Variants in NGEF observed in about 807,000 individuals in gnomAD.
NGEF encodes ephexin-1.
NGEF carries 31 observed loss-of-function variants against 80.9 expected under a neutral mutation model. The ratio of observed to expected loss-of-function variants is 0.38; its 90% CI spans 0.29 to 0.52. The LOEUF is 0.52. Ranked by LOEUF, NGEF falls within the 20% of genes least tolerant of loss-of-function variation. The pLI is 0.84. For synonymous variants in NGEF, 371 were observed against 370.2 expected (o/e 1.00, Z -0.03); for missense variants, 709 against 926.2 (o/e 0.77, Z 3.04).
intron 3 of NGEF, among the ~76,000 whole-genome samples, chr2:232,944,091 G>A (rs1267841862): frequency 7.9e-5 from 12 of 151,956 alleles, no homozygotes; most frequent in Admixed American, 7.2e-4. Context: ...AAATTAGCCA[G>A]GCATGGTGGT....
chr2:232,969,919 C>A (rs1482724387), intron 3 of NGEF: 3 of 188,658 alleles, frequency 1.6e-5, no homozygotes, highest in East Asian at 2.6e-4. Context: ...AATCCCAGCT[C>A]TTTGGGAGGC....
At chr2:232,901,544 G>A (rs535551705) in intron 5 of NGEF, 39 of 601,186 alleles carry the variant, frequency 6.5e-5, no homozygotes, top group African/African-American at 2.2e-4. Flanking sequence ...TGCGGGGGTC[G>A]GAGCCAAAGG....
At chr2:232,946,060 C>CTATA (rs1441776079) in intron 3 of NGEF, among the ~76,000 whole-genome samples, 15 of 111,042 alleles carry the variant, frequency 1.4e-4, no homozygotes, top group South Asian at 3.6e-4. Context: ...CAATATATAT[C>CTATA]TGATATATAT....
rs1279653884 is a variant in NGEF at position 232,878,947 on chromosome 2, C to CTGGGGAAGGG, written c.*532_*541dup. The CTGGGGAAGGG allele has an allele frequency of 1.3e-5, 2 of 152,846 alleles. No homozygotes were observed. Among genetic ancestry groups the CTGGGGAAGGG allele is most frequent in the African/African-American group, 4.8e-5 (2 of 41,472 alleles). 9.5% of individuals were successfully genotyped at this position (152,846 alleles called of 1,614,324 possible). On this transcript the variant is annotated 3_prime_UTR_variant, in exon 15 of 15. Transcript: ENST00000264051. Reference sequence around the variant, plus strand: ...CGTGCAGCCAGAGGCTGGCAGAGGCCTGGGGAAGGGTGGGCAGAGGCAGCT... The same window carrying CTGGGGAAGGG: ...CGTGCAGCCAGAGGCTGGCAGAGGCCTGGGGAAGGGTGGGGAAGGGTGGGCAGAGGCAGCT...
rs1201980525 is a variant in NGEF, at chr2:232,944,688, T to C, written c.384-17502A>G. 2.7e-5 allele frequency among the ~76,000 whole-genome samples: 4 copies of C among 146,236 alleles called. No homozygotes were observed. In the East Asian group the frequency reaches 6.0e-4, roughly 22 times the overall value. ...AAAAAAGAGAAATTAATAGAAATGG[T>C]TACTTCCAGAGTTGGGCTAGGGGAT... On this transcript the variant is annotated intron_variant, in intron 3 of 14. Transcript: ENST00000264051.
In NGEF at chr2:232,888,275, TAC is replaced by T. The variant is rs1259695189; in HGVS notation, c.1273-170_1273-169del. Among the ~76,000 whole-genome samples, 3 of 149,814 alleles carry T rather than the reference TAC, an allele frequency of 2.0e-5. No homozygotes were observed. The East Asian group carries it at 6.1e-4, about 31-fold the overall frequency. On this transcript the variant is annotated intron_variant, in intron 8 of 14. Transcript: ENST00000264051. The stretch of plus-strand genomic sequence containing the variant: ...ACGCATACATGCATGCACACATGCA[TAC>T]AGACCTGCGTGTGCACACACGTGCA...
intron 5 of NGEF, among the ~76,000 whole-genome samples, chr2:232,902,574 T>A (rs551461591): frequency 6.6e-6 from 1 of 152,258 alleles, no homozygotes; most frequent in Non-Finnish European, 1.5e-5. Flanking sequence ...ATTACTACGT[T>A]TTCTCAAGAT....
chr2:232,929,219 G>C (rs1378978805), intron 3 of NGEF, among the ~76,000 whole-genome samples: 1 of 152,230 alleles, frequency 6.6e-6, no homozygotes, highest in Non-Finnish European at 1.5e-5. Flanking sequence ...CCCGGCATTT[G>C]TTTAAATTAG....
intron 1 of NGEF, among the ~76,000 whole-genome samples, chr2:232,990,802 C>T (rs1694635781): frequency 6.6e-6 from 1 of 152,050 alleles, no homozygotes. Context: ...AGTCCAACAT[C>T]TCTTATTAAT....
At chr2:232,996,111 G>A (rs1694840064) in intron 1 of NGEF, among the ~76,000 whole-genome samples, 1 of 151,958 alleles carries the variant, frequency 6.6e-6, no homozygotes, top group Admixed American at 6.6e-5. Context: ...CTCCATTCAG[G>A]TATAAAAACT....
intron 3 of NGEF, among the ~76,000 whole-genome samples, chr2:232,932,199 C>T (rs1693229725): frequency 8.3e-6 from 1 of 120,274 alleles, no homozygotes; most frequent in Non-Finnish European, 1.6e-5. Context: ...GAATCTTGCT[C>T]TATTGCCCAG....
At chr2:232,925,844 T>C (rs1693053030) in intron 4 of NGEF, among the ~76,000 whole-genome samples, 1 of 152,116 alleles carries the variant, frequency 6.6e-6, no homozygotes, top group Non-Finnish European at 1.5e-5. Context: ...CCCCTCTCCA[T>C]TCCCTCAGCA....
intron 2 of NGEF, among the ~76,000 whole-genome samples, chr2:232,970,563 TCA>T (rs779796060): frequency 3.9e-4 from 60 of 152,250 alleles, no homozygotes; most frequent in Admixed American, 7.8e-4. Context: ...GTGCGGTGGC[TCA>T]CACCTGTAAT....
At chr2:232,995,056 ATG>A (rs767012916) in intron 1 of NGEF, among the ~76,000 whole-genome samples, 4 of 78,264 alleles carry the variant, frequency 5.1e-5, no homozygotes, top group Non-Finnish European at 2.9e-5. Context: ...TACTGTATAT[ATG>A]TACAGTATGT....
At chr2:232,991,179 T>G (rs1223286561) in intron 1 of NGEF, among the ~76,000 whole-genome samples, 1 of 152,068 alleles carries the variant, frequency 6.6e-6, no homozygotes, top group African/African-American at 2.4e-5. Context: ...AGGAAGAAGA[T>G]AAGAATGCCC....
At chr2:232,999,002 C>T (rs1430743909) in intron 1 of NGEF, among the ~76,000 whole-genome samples, 3 of 152,184 alleles carry the variant, frequency 2.0e-5, no homozygotes, top group African/African-American at 7.2e-5. Flanking sequence ...ATGAGACAGA[C>T]AGGGTCTCCT....
intron 3 of NGEF, among the ~76,000 whole-genome samples, chr2:232,963,864 A>T (rs189010585): frequency 6.6e-6 from 1 of 152,316 alleles, no homozygotes; most frequent in East Asian, 1.9e-4. Context: ...TACAGTACAC[A>T]TATGTGAGCA....
chr2:232,945,641 G>A (rs1693541605), intron 3 of NGEF, among the ~76,000 whole-genome samples: 1 of 151,908 alleles, frequency 6.6e-6, no homozygotes, highest in Non-Finnish European at 1.5e-5. Flanking sequence ...GCTCTGAGAG[G>A]GAGTGTGGTC....
At chr2:232,979,151 C>T (rs1312989903) in intron 1 of NGEF, among the ~76,000 whole-genome samples, 1 of 152,072 alleles carries the variant, frequency 6.6e-6, no homozygotes, top group Non-Finnish European at 1.5e-5. Flanking sequence ...CAAGTCAGGG[C>T]CTCAGTTTCC....
Sources: allele counts gnomAD v4.1 joint callset (sites outside exome capture counted in the v4.1 genomes callset), GRCh38; gene constraint gnomAD v4.1.1; transcripts MANE v1.5; gene names NCBI Gene and HGNC (gene_info 2026-07-23, HGNC 2026-07-21).